Variants in HS6ST1 observed in about 807,000 individuals in gnomAD.
The protein encoded by HS6ST1 is heparan sulfate 6-O-sulfotransferase 1.
A neutral mutation model predicts 25.2 loss-of-function variants in HS6ST1; 3 were observed. The ratio of observed to expected loss-of-function variants is 0.12; its 90% CI spans 0.05 to 0.31. The LOEUF (loss-of-function observed/expected upper bound fraction) is 0.31. HS6ST1 is among the 10% of genes least tolerant of loss of function. The probability of loss-of-function intolerance (pLI) is 1.00; values close to 1 mark genes in which losing one functional copy is unlikely to be tolerated. For synonymous variants in HS6ST1, 204 were observed against 275.1 expected, an observed-to-expected ratio of 0.74 and a Z score of 2.56; for missense variants, 310 against 609.6, an observed-to-expected ratio of 0.51 and a Z score of 5.18.
At chr2:128,306,337 G>A (rs772110392) in intron 1 of HS6ST1, among the ~76,000 whole-genome samples, 1 of 152,084 alleles carries the variant, frequency 6.6e-6, no homozygotes, top group African/African-American at 2.4e-5. Context: ...AGGGAATGTG[G>A]ACCAGGATTC....
intron 1 of HS6ST1, among the ~76,000 whole-genome samples, chr2:128,288,304 G>C (rs1011695714): frequency 6.6e-6 from 1 of 152,108 alleles, no homozygotes; most frequent in African/African-American, 2.4e-5. Flanking sequence ...TGGCGGCAGC[G>C]TCAGGTCCTG....
At position 128,318,745 on chromosome 2, in the gene HS6ST1, G is replaced by A. The variant is rs1573714963; in HGVS notation, c.-182C>T. Among the ~76,000 whole-genome samples the A allele has an allele frequency of 6.8e-6, 1 of 146,444 alleles. No individual in the cohort carries two copies. Among genetic ancestry groups the A allele is most frequent in the African/African-American group, 2.5e-5 (1 of 40,776 alleles). On this transcript the variant is annotated 5_prime_UTR_variant, in exon 1 of 2. Coordinates refer to ENST00000259241, the MANE Select transcript of HS6ST1 (RefSeq NM_004807.3). The surrounding 1 kb of genome is among the most constrained non-coding windows in gnomAD (Gnocchi z 5.7). ...CCATGGCTGCTCCCCGCCCGGCCCCGGCTCCCCGGGCCCGACGCCCGACTC... is the reference window on the plus strand; with the variant it reads ...CCATGGCTGCTCCCCGCCCGGCCCCAGCTCCCCGGGCCCGACGCCCGACTC...
intron 1 of HS6ST1, among the ~76,000 whole-genome samples, chr2:128,287,498 A>G (rs1693882761): frequency 2.6e-5 from 4 of 152,182 alleles, no homozygotes; most frequent in Admixed American, 2.6e-4. Flanking sequence ...GCCTCCACCT[A>G]GCAGGTGTCA....
At chr2:128,272,358 G>T (rs1573689204) in intron 1 of HS6ST1, among the ~76,000 whole-genome samples, 1 of 152,236 alleles carries the variant, frequency 6.6e-6, no homozygotes, top group African/African-American at 2.4e-5. Flanking sequence ...TTAAGACCCA[G>T]CTCAAAAAGA....
At chr2:128,271,717 C>T (rs1693611919) in intron 1 of HS6ST1, among the ~76,000 whole-genome samples, 1 of 152,200 alleles carries the variant, frequency 6.6e-6, no homozygotes. Context: ...ACGCAGCACT[C>T]AAAGCTGGGG....
At chr2:128,285,448 T>G (rs1046779336) in intron 1 of HS6ST1, among the ~76,000 whole-genome samples, 12 of 152,218 alleles carry the variant, frequency 7.9e-5, no homozygotes, top group Non-Finnish European at 1.6e-4. Flanking sequence ...TGGGCGCCTG[T>G]GTACCCAGTC....
At chr2:128,285,512 C>T (rs1421801026) in intron 1 of HS6ST1, among the ~76,000 whole-genome samples, 1 of 152,254 alleles carries the variant, frequency 6.6e-6, no homozygotes, top group Non-Finnish European at 1.5e-5. Flanking sequence ...ATGCCTGCCG[C>T]TACGGCCCAG....
Position 128,265,597 on chromosome 2 carries a change from A to C in HS6ST1, c.*2565T>G, listed in dbSNP as rs890122192. 6.6e-6 allele frequency: 1 copy of C among 152,242 alleles called. No homozygotes were observed. The highest frequency in any genetic ancestry group is 6.5e-5 in the Admixed American group (1 of 15,282). 9.4% of individuals were successfully genotyped at this position (152,242 alleles called of 1,614,324 possible). A position where few individuals can be genotyped will look rare whatever the true frequency, so the allele number is the denominator to read the frequency against. On this transcript the variant is annotated 3_prime_UTR_variant, in exon 2 of 2. Coordinates refer to ENST00000259241, the MANE Select transcript of HS6ST1 (RefSeq NM_004807.3). ...CATTTTTTTGTATGAATAACCAAAA[A>C]ATTTCTTCAACACTTTTTTTTAAGA...
intron 1 of HS6ST1, among the ~76,000 whole-genome samples, chr2:128,279,318 G>T (rs933527831): frequency 2.1e-5 from 3 of 142,946 alleles, no homozygotes; most frequent in African/African-American, 7.8e-5. Context: ...TTTAGAGTCA[G>T]AATGACAGAA....
At chr2:128,286,063 G>A (rs539788211) in intron 1 of HS6ST1, among the ~76,000 whole-genome samples, 11 of 152,232 alleles carry the variant, frequency 7.2e-5, no homozygotes, top group Non-Finnish European at 1.5e-4. Context: ...TAGACAGAAA[G>A]CCACTTCCCA....
intron 1 of HS6ST1, among the ~76,000 whole-genome samples, chr2:128,284,504 C>T (rs1195599564): frequency 2.1e-5 from 2 of 94,888 alleles, no homozygotes; most frequent in African/African-American, 1.0e-4. Flanking sequence ...CATCGTCCCT[C>T]TTTTTTTTTT....
At chr2:128,292,969 T>C (rs1420501962) in intron 1 of HS6ST1, among the ~76,000 whole-genome samples, 1 of 152,114 alleles carries the variant, frequency 6.6e-6, no homozygotes, top group African/African-American at 2.4e-5. Flanking sequence ...CCACTCCTAC[T>C]GCAAAAGAGC....
At chr2:128,273,839 G>A (rs997664400) in intron 1 of HS6ST1, among the ~76,000 whole-genome samples, 3 of 152,372 alleles carry the variant, frequency 2.0e-5, no homozygotes, top group East Asian at 1.9e-4. Flanking sequence ...GTGGCGAGGT[G>A]CAGAGGACTC....
intron 1 of HS6ST1, among the ~76,000 whole-genome samples, chr2:128,274,380 C>T (rs992457101): frequency 3.3e-5 from 5 of 152,110 alleles, no homozygotes; most frequent in South Asian, 2.1e-4. Flanking sequence ...CATTGGAGCA[C>T]GGTCTTCAAA....
chr2:128,279,330 C>CT (rs61670210), intron 1 of HS6ST1, among the ~76,000 whole-genome samples: 25,443 of 124,536 alleles, frequency 0.2, 3,022 homozygotes, highest in African/African-American at 0.3. Context: ...ATGACAGAAC[C>CT]TTTTTTTTTT....
chr2:128,272,526 C>T (rs191904488), intron 1 of HS6ST1, among the ~76,000 whole-genome samples: 203 of 152,246 alleles, frequency 1.3e-3, no homozygotes, highest in African/African-American at 4.4e-3. Flanking sequence ...ACGTGTCCGA[C>T]GGCAGCATCC....
At chr2:128,297,708 C>T (rs1694060895) in intron 1 of HS6ST1, among the ~76,000 whole-genome samples, 1 of 151,984 alleles carries the variant, frequency 6.6e-6, no homozygotes, top group Admixed American at 6.5e-5. Flanking sequence ...GTGGCACATG[C>T]CTGTAATCCC....
chr2:128,306,344 A>G (rs930582435), intron 1 of HS6ST1, among the ~76,000 whole-genome samples: 1 of 152,062 alleles, frequency 6.6e-6, no homozygotes, highest in Admixed American at 6.5e-5. Context: ...GTGGACCAGG[A>G]TTCCAGGGAG....
At chr2:128,275,659 C>A (rs1448234749) in intron 1 of HS6ST1, among the ~76,000 whole-genome samples, 2 of 152,212 alleles carry the variant, frequency 1.3e-5, no homozygotes, top group African/African-American at 4.8e-5. Context: ...CAGGAAGCCA[C>A]AGGCAATACC....
Sources: gnomAD v4.1 joint callset for allele counts (sites outside exome capture counted in the v4.1 genomes callset) on GRCh38, gnomAD v4.1.1 for gene constraint, Gnocchi (gnomAD v3.1) non-coding constraint, MANE v1.5 for transcripts, NCBI Gene and HGNC (gene_info 2026-07-23, HGNC 2026-07-21) for gene names.